PTPRA: variants seen among roughly 807,000 people sequenced by gnomAD.
PTPRA encodes the protein protein tyrosine phosphatase receptor type A, also known as receptor-type tyrosine-protein phosphatase alpha.
In PTPRA, 25 loss-of-function variants were observed where a neutral mutation model predicts 104.8. The observed-to-expected ratio is 0.24, with a 90% CI of 0.17 to 0.33. PTPRA has a LOEUF of 0.33. Among genes scored for constraint, PTPRA ranks in the 10% least tolerant of loss-of-function variants. The probability of loss-of-function intolerance (pLI) is 1.00; values close to 1 mark genes in which losing one functional copy is unlikely to be tolerated. For synonymous variants in PTPRA, 323 were observed against 368.9 expected (o/e 0.88, Z 1.43); for missense variants, 765 against 1,015.3 (o/e 0.75, Z 3.35).
At chr20:2,870,638 A>G (rs2089416826), upstream of PTPRA, among the ~76,000 whole-genome samples, 1 of 152,200 alleles carries the variant, frequency 6.6e-6, no homozygotes, top group Non-Finnish European at 1.5e-5. Context: ...AGAATGACTC[A>G]TTGTTCCATT....
At position 2,894,155 on chromosome 20, in the gene PTPRA, T is replaced by G. The variant is rs183748158; in HGVS notation, c.-129+20395T>G. Among the ~76,000 whole-genome samples the G allele has an allele frequency of 3.2e-3, 485 of 152,352 alleles. 4 individuals are homozygous for G. The highest frequency in any genetic ancestry group is 0.011 in the African/African-American group (464 of 41,590). ...CAGAATAATTTTATATGAGGTTTAT[T>G]GATACAGAAATGTTTGGTTCAGTGT... On this transcript the variant is annotated intron_variant, in intron 1 of 23. Coordinates refer to ENST00000399903, the MANE Select transcript of PTPRA (RefSeq NM_001385305.1).
intron 18 of PTPRA, 62 bp downstream of exon 18, chr20:3,026,842 T>A: frequency 7.2e-7 from 1 of 1,386,740 alleles, no homozygotes. Context: ...CTCCACCCCT[T>A]CCATTTCTCA....
At chr20:2,957,837 A>G (rs532866403) in intron 3 of PTPRA, among the ~76,000 whole-genome samples, 21 of 152,310 alleles carry the variant, frequency 1.4e-4, no homozygotes, top group Admixed American at 5.2e-4. Flanking sequence ...AGGCACCGCT[A>G]TGGAGAATTG....
intron 1 of PTPRA, among the ~76,000 whole-genome samples, chr20:2,891,326 A>G (rs1487504518): frequency 6.6e-6 from 1 of 152,184 alleles, no homozygotes; most frequent in African/African-American, 2.4e-5. Context: ...GATTCTGTGA[A>G]TAAAATCCAA....
At chr20:2,954,765 T>C (rs969283610) in intron 3 of PTPRA, among the ~76,000 whole-genome samples, 2 of 152,190 alleles carry the variant, frequency 1.3e-5, no homozygotes, top group African/African-American at 4.8e-5. Flanking sequence ...TCCAAGAAAT[T>C]TTTGCCAAAT....
At chr20:2,885,839 G>A (rs1352507241) in intron 1 of PTPRA, among the ~76,000 whole-genome samples, 2 of 152,222 alleles carry the variant, frequency 1.3e-5, no homozygotes. Context: ...GCCAAGGTGG[G>A]TGGATCATGA....
At chr20:2,992,861 G>A (rs1482941552) in intron 9 of PTPRA, among the ~76,000 whole-genome samples, 2 of 152,208 alleles carry the variant, frequency 1.3e-5, no homozygotes, top group Non-Finnish European at 2.9e-5. Flanking sequence ...GGGAGATGAG[G>A]CAGGCAGATT....
chr20:2,864,654 G>A, the PTPRA span: 1 of 1,613,858 alleles, frequency 6.2e-7, no homozygotes, highest in Non-Finnish European at 8.5e-7. The surrounding 1 kb of genome is among the most constrained non-coding windows in gnomAD (Gnocchi z 5.2). Flanking sequence ...CTGCAGAAGA[G>A]GTCTGAGATC....
intron 9 of PTPRA, among the ~76,000 whole-genome samples, chr20:2,989,966 G>A (rs977585847): frequency 1.5e-4 from 23 of 152,244 alleles, no homozygotes; most frequent in African/African-American, 2.9e-4. Flanking sequence ...GCAGTGAGCC[G>A]AGATCATGCT....
At chr20:2,938,452 C>T (rs1001833561) in intron 2 of PTPRA, among the ~76,000 whole-genome samples, 2 of 152,098 alleles carry the variant, frequency 1.3e-5, no homozygotes, top group Admixed American at 6.5e-5. Flanking sequence ...TCCCAAAATG[C>T]TGGGATTACA....
chr20:3,007,461 C>A (rs371274425), intron 11 of PTPRA, 41 bp downstream of exon 11: 1 of 1,565,124 alleles, frequency 6.4e-7, no homozygotes, highest in African/African-American at 1.4e-5. Flanking sequence ...CCTGCCTGAC[C>A]ATTGCCACTA....
chr20:3,030,861 G>A (rs1600285117), intron 20 of PTPRA, among the ~76,000 whole-genome samples: 1 of 151,632 alleles, frequency 6.6e-6, no homozygotes, highest in Non-Finnish European at 1.5e-5. Context: ...AATTTCCATA[G>A]TAGAGACAGG....
chr20:2,896,048 A>G (rs1045460455), intron 1 of PTPRA, among the ~76,000 whole-genome samples: 14 of 151,956 alleles, frequency 9.2e-5, no homozygotes, highest in Non-Finnish European at 4.4e-5. Context: ...TCTTTTTGTA[A>G]CGGATTTATA....
intron 20 of PTPRA, among the ~76,000 whole-genome samples, chr20:3,030,157 C>G (rs143902268): frequency 1.3e-5 from 2 of 152,300 alleles, no homozygotes; most frequent in East Asian, 3.9e-4. Flanking sequence ...GCCCAGTGAA[C>G]ATCTCCGCCT....
At chr20:3,001,855 G>A (rs2063641492) in intron 9 of PTPRA, among the ~76,000 whole-genome samples, 1 of 152,096 alleles carries the variant, frequency 6.6e-6, no homozygotes, top group Admixed American at 6.5e-5. Flanking sequence ...CCTATCTTTG[G>A]GTCTTTCACT....
intron 1 of PTPRA, among the ~76,000 whole-genome samples, chr20:2,905,690 CTTTTTTTT>C (rs11479039): frequency 4.2e-5 from 3 of 70,634 alleles, no homozygotes; most frequent in East Asian, 4.2e-4. Context: ...TCATAAAATT[CTTTTTTTT>C]TTTTTTTTTT....
At chr20:2,866,687 C>T in the PTPRA span, 1 of 1,475,558 alleles carries the variant, frequency 6.8e-7, no homozygotes, top group Non-Finnish European at 9.2e-7. Context: ...GGAGCGGGGG[C>T]ATGGTAGCAG....
intron 1 of PTPRA, among the ~76,000 whole-genome samples, chr20:2,874,702 A>G (rs1365959518): frequency 2.6e-5 from 4 of 152,206 alleles, no homozygotes; most frequent in Non-Finnish European, 4.4e-5. Context: ...TTTCAGAAAC[A>G]GATCTGATGC....
intron 3 of PTPRA, among the ~76,000 whole-genome samples, chr20:2,954,434 G>A (rs1026321754): frequency 6.6e-6 from 1 of 151,708 alleles, no homozygotes. Context: ...TGTTGGCCAG[G>A]CTGGTCTTGA....
Sources: gnomAD v4.1 joint callset for allele counts (sites outside exome capture counted in the v4.1 genomes callset) on GRCh38, gnomAD v4.1.1 for gene constraint, Gnocchi (gnomAD v3.1) non-coding constraint, MANE v1.5 for transcripts, NCBI Gene and HGNC (gene_info 2026-07-23, HGNC 2026-07-21) for gene names.